TMC7: variants seen among roughly 807,000 people sequenced by gnomAD.
The protein encoded by TMC7 is transmembrane channel-like protein 7.
In TMC7, 54 loss-of-function variants were observed where a neutral mutation model predicts 82.9. That is an observed-to-expected ratio of 0.65 (90% CI 0.52 to 0.82). The LOEUF (loss-of-function observed/expected upper bound fraction) is 0.82, where lower values mean the gene tolerates loss of function less well. Among genes scored for constraint, TMC7 ranks in the 40% least tolerant of loss-of-function variants. The pLI is 0.00. For missense variants in TMC7, 820 were observed against 901.2 expected (o/e 0.91, Z 1.15); for synonymous variants, 350 against 337.9 (o/e 1.04, Z -0.39).
rs767994185 is a variant in TMC7 at position 19,047,234 on chromosome 16, CT to C, written c.1727del (p.Phe576SerfsTer3). On this transcript the variant is annotated frameshift_variant, in exon 12 of 16. Transcript: ENST00000304381. LOFTEE classifies it high-confidence loss of function. ...AIATLKFIII[F>X]YVKEWSLLYT... ...TTGCAACCCTGAAATTCATTATCATCTTCTATGTGAAAGAGGTAAGGAGCCG... is the reference window on the plus strand; with the variant it reads ...TTGCAACCCTGAAATTCATTATCATCTCTATGTGAAAGAGGTAAGGAGCCG... The C allele has an allele frequency of 6.2e-7, 1 of 1,613,864 alleles. No homozygotes were observed. The highest frequency in any genetic ancestry group is 8.5e-7 in the Non-Finnish European group (1 of 1,179,930).
At chr16:18,991,449 T>G (rs1567497528) in intron 1 of TMC7, among the ~76,000 whole-genome samples, 1 of 152,158 alleles carries the variant, frequency 6.6e-6, no homozygotes, top group African/African-American at 2.4e-5. Context: ...CAGATTGATT[T>G]AGGTAAAAAC....
intron 13 of TMC7, among the ~76,000 whole-genome samples, chr16:19,053,306 T>C (rs897917925): frequency 3.4e-5 from 1 of 29,836 alleles, no homozygotes; most frequent in African/African-American, 4.8e-5. Context: ...TCATTAATAT[T>C]CTTTTTTTTT....
chr16:18,986,235 AAC>A (rs569805732), intron 1 of TMC7, among the ~76,000 whole-genome samples: 366 of 151,966 alleles, frequency 2.4e-3, no homozygotes, highest in Non-Finnish European at 4.0e-3. Flanking sequence ...CTCTACTAAA[AAC>A]ACAAAAAATT....
At chr16:19,052,610 G>A (rs954479874) in intron 13 of TMC7, among the ~76,000 whole-genome samples, 4 of 152,238 alleles carry the variant, frequency 2.6e-5, no homozygotes, top group African/African-American at 7.2e-5. Context: ...CAAGGAGTTC[G>A]AGACCAGCAT....
chr16:19,049,649 A>G (rs889583704), intron 12 of TMC7: 2 of 985,334 alleles, frequency 2.0e-6, no homozygotes, highest in Non-Finnish European at 2.4e-6. Flanking sequence ...TGTGTAGCAT[A>G]GTACAGACAC....
chr16:19,050,328 C>T (rs1961471168), intron 12 of TMC7, among the ~76,000 whole-genome samples: 1 of 117,514 alleles, frequency 8.5e-6, no homozygotes. Flanking sequence ...GATCGCGCTA[C>T]TACACTCCAG....
At position 19,024,954 on chromosome 16, in the gene TMC7, C is replaced by T. The variant is rs533061749; in HGVS notation, c.711+1759C>T. Among the ~76,000 whole-genome samples the T allele has an allele frequency of 2.7e-3, 411 of 152,010 alleles. 4 individuals are homozygous for T. The highest frequency in any genetic ancestry group is 9.5e-3 in the African/African-American group (394 of 41,472). ...CCGGGAGGCGGAGCTTGCAGTGAGCCGAGATTGCACCACTGCACTCCAGCC... is the reference window on the plus strand; with the variant it reads ...CCGGGAGGCGGAGCTTGCAGTGAGCTGAGATTGCACCACTGCACTCCAGCC... On this transcript the variant is annotated intron_variant, in intron 5 of 15. Coordinates refer to ENST00000304381, the MANE Select transcript of TMC7 (RefSeq NM_024847.4).
chr16:19,057,172 A>G (rs1961815783), intron 14 of TMC7, among the ~76,000 whole-genome samples: 1 of 152,132 alleles, frequency 6.6e-6, no homozygotes, highest in Non-Finnish European at 1.5e-5. Flanking sequence ...AACTAGGCAT[A>G]ATAATAGTCA....
chr16:19,038,438 G>GC (rs1399073172), intron 8 of TMC7, among the ~76,000 whole-genome samples: 20 of 151,988 alleles, frequency 1.3e-4, no homozygotes, highest in Admixed American at 1.3e-3. Context: ...CAGGTGATCT[G>GC]CCCGCCTCCA....
intron 3 of TMC7, among the ~76,000 whole-genome samples, chr16:19,017,422 TA>T (rs1959751373): frequency 1.3e-5 from 2 of 149,976 alleles, no homozygotes; most frequent in Admixed American, 6.7e-5. Flanking sequence ...AGTAAACTAT[TA>T]TTTCATGCAT....
intron 6 of TMC7, among the ~76,000 whole-genome samples, chr16:19,031,912 A>T: frequency 6.6e-6 from 1 of 152,206 alleles, no homozygotes; most frequent in East Asian, 1.9e-4. Flanking sequence ...GAAGTGGTGT[A>T]CATCACTCAC....
intron 3 of TMC7, among the ~76,000 whole-genome samples, chr16:19,019,440 T>A (rs1459257182): frequency 6.6e-6 from 1 of 152,236 alleles, no homozygotes; most frequent in Non-Finnish European, 1.5e-5. Context: ...TTTAACATTA[T>A]GTTTGGAGCA....
At chr16:19,016,665 T>C (rs1959712782) in intron 3 of TMC7, 67 bp downstream of exon 3, 7 of 1,529,078 alleles carry the variant, frequency 4.6e-6, no homozygotes, top group Non-Finnish European at 6.2e-6. Context: ...AAGTACAGCT[T>C]CGTTTCCACT....
chr16:19,022,604 A>T (rs1467766292), intron 4 of TMC7, among the ~76,000 whole-genome samples: 1 of 152,206 alleles, frequency 6.6e-6, no homozygotes, highest in Non-Finnish European at 1.5e-5. Context: ...AGGCCATCCC[A>T]TCTAGGTTTG....
chr16:19,048,549 G>A (rs934216820), intron 12 of TMC7, among the ~76,000 whole-genome samples: 14 of 152,054 alleles, frequency 9.2e-5, no homozygotes, highest in Non-Finnish European at 1.9e-4. Flanking sequence ...AGCCTCCTGA[G>A]TAGCTGGGAT....
At chr16:19,006,112 C>T (rs903042680) in intron 1 of TMC7, among the ~76,000 whole-genome samples, 2 of 152,192 alleles carry the variant, frequency 1.3e-5, no homozygotes, top group Non-Finnish European at 2.9e-5. Context: ...CTGCCTGGGA[C>T]CTTCTACCCA....
chr16:19,010,031 CTCCCTCCT>C (rs1354786784), intron 2 of TMC7, among the ~76,000 whole-genome samples: 5 of 146,796 alleles, frequency 3.4e-5, no homozygotes, highest in African/African-American at 1.3e-4. Flanking sequence ...CCCTCCCTCC[CTCCCTCCT>C]TTCTTTCTTT....
chr16:18,988,484 T>A (rs1333590144), intron 1 of TMC7, among the ~76,000 whole-genome samples: 1 of 151,932 alleles, frequency 6.6e-6, no homozygotes, highest in East Asian at 2.0e-4. Context: ...AGAGACTGGG[T>A]CTGGTTATGT....
Position 19,059,409 on chromosome 16 carries a change from G to T in TMC7, c.2028-7G>T. 6.2e-7 allele frequency: 1 copy of T among 1,613,066 alleles called. No homozygotes were observed. The highest frequency in any genetic ancestry group is 8.5e-7 in the Non-Finnish European group (1 of 1,179,522). On this transcript the variant is annotated splice_polypyrimidine_tract_variant and splice_region_variant and intron_variant, in intron 14 of 15. Transcript: ENST00000304381. Reference sequence around the variant, plus strand: ...CTCCCTTGTGACCTGTCTGTCTTGTGTTGCAGCCTCATCATGTTTTACTTC... The same window carrying T: ...CTCCCTTGTGACCTGTCTGTCTTGTTTTGCAGCCTCATCATGTTTTACTTC...
Sources: allele counts gnomAD v4.1 joint callset (sites outside exome capture counted in the v4.1 genomes callset), GRCh38; gene constraint gnomAD v4.1.1; transcripts MANE v1.5; gene names NCBI Gene and HGNC (gene_info 2026-07-23, HGNC 2026-07-21).